The following LRP3 variants were observed in gnomAD, a reference collection of about 807,000 sequenced individuals.
LRP3 encodes the protein low-density lipoprotein receptor-related protein 3.
In LRP3, 49 loss-of-function variants were observed where a neutral mutation model predicts 58.5. That is an observed-to-expected ratio of 0.84 (90% CI 0.67 to 1.06). LRP3 has a LOEUF of 1.06. LRP3 is among the 50% of genes least tolerant of loss of function. The probability of loss-of-function intolerance (pLI) is 0.00; values close to 1 mark genes in which losing one functional copy is unlikely to be tolerated. For synonymous variants in LRP3, 485 were observed against 492.2 expected, an observed-to-expected ratio of 0.99 and a Z score of 0.20; for missense variants, 1,019 against 1,134.2, an observed-to-expected ratio of 0.90 and a Z score of 1.46.
chr19:33,204,258 T>C, intron 3 of LRP3: 1 of 258,588 alleles, frequency 3.9e-6, no homozygotes, highest in Non-Finnish European at 7.5e-6. Flanking sequence ...TGGAGGGTTC[T>C]GGGCCCTTGG....
intron 2 of LRP3, among the ~76,000 whole-genome samples, chr19:33,201,368 C>G (rs1239586248): frequency 6.6e-6 from 1 of 151,954 alleles, no homozygotes; most frequent in Admixed American, 6.5e-5. Flanking sequence ...CCAGGGCCTC[C>G]AGGGCAAAGT....
Position 33,207,440 on chromosome 19 carries a change from G to T in LRP3, c.2178G>T (p.Pro726=). 2 of 1,595,920 alleles carry T rather than the reference G, an allele frequency of 1.3e-6. No homozygotes were observed. ...GGGAGCCCTGCTCAGCCCAGGACCCGCACCCCCAGGTCTCCACTGCCAGCA... is the reference window on the plus strand; with the variant it reads ...GGGAGCCCTGCTCAGCCCAGGACCCTCACCCCCAGGTCTCCACTGCCAGCA... ...APREPCSAQD[P]HPQVSTASST... is the part of the protein sequence containing the mutation. Residue 726 remains proline (P), a synonymous_variant, in exon 7 of 7, where the codon CCG becomes CCT. Transcript: ENST00000253193.
Position 33,194,831 on chromosome 19 carries a change from C to A in LRP3, c.46C>A (p.Arg16=). 9.0e-7 allele frequency: 1 copy of A among 1,108,256 alleles called. No homozygotes were observed. 68.7% of individuals were successfully genotyped at this position (1,108,256 alleles called of 1,614,324 possible). ...AAGLEGAPGA[R]AQLAVVCLVN... Reference sequence around the variant, plus strand: ...GGGGCTGGAGGGCGCGCCGGGCGCCCGGGCGCAGCTGGCCGTCGTCTGTCT... The same window carrying A: ...GGGGCTGGAGGGCGCGCCGGGCGCCAGGGCGCAGCTGGCCGTCGTCTGTCT... The change falls in exon 1 of 7, where the codon CGG becomes AGG. Residue 16 remains arginine, a synonymous_variant. Coordinates refer to ENST00000253193, the MANE Select transcript of LRP3 (RefSeq NM_002333.4).
chr19:33,205,268 C>G lies in LRP3; in HGVS notation c.498C>G (p.Cys166Trp). The change falls in exon 5 of 7, where the codon TGC (cysteine) becomes TGG (tryptophan). Residue 166 changes from cysteine to tryptophan, a missense_variant. Coordinates refer to ENST00000253193, the MANE Select transcript of LRP3 (RefSeq NM_002333.4). ...CAGGGAAGCTGGGCCAGGCATCCTG[C>G]CAGGCAGATGAGTTCCGCTGTGACA... ...YIRGKLGQAS[C>W]QADEFRCDNG... is the part of the protein sequence containing the mutation. The G allele has an allele frequency of 3.1e-6, 5 of 1,609,594 alleles. No individual in the cohort carries two copies. The highest frequency in any genetic ancestry group is 4.2e-6 in the Non-Finnish European group (5 of 1,178,490).
chr19:33,208,737 GT>G lies in LRP3; in HGVS notation c.*1163del. On this transcript the variant is annotated 3_prime_UTR_variant, in exon 7 of 7. Transcript: ENST00000253193. The surrounding 1 kb of genome is among the most constrained non-coding windows in gnomAD (Gnocchi z 4.7). Reference sequence around the variant, plus strand: ...GGGCAGTGCTAAGACAGGAAACCCAGTCCACATTTTAGGGCTTCCTTAAACA... The same window carrying G: ...GGGCAGTGCTAAGACAGGAAACCCAGCCACATTTTAGGGCTTCCTTAAACA... The G allele has an allele frequency of 1.1e-6, 1 of 930,776 alleles. No homozygotes were observed. The highest frequency in any genetic ancestry group is 1.6e-6 in the Non-Finnish European group (1 of 624,666). 57.7% of individuals were successfully genotyped at this position (930,776 alleles called of 1,614,324 possible).
chr19:33,201,374 A>C (rs1974339385), intron 2 of LRP3, among the ~76,000 whole-genome samples: 1 of 152,070 alleles, frequency 6.6e-6, no homozygotes. Flanking sequence ...CCTCCAGGGC[A>C]AAGTCCCCTC....
In LRP3 at chr19:33,202,304, C is replaced by G. The variant is rs191866371; in HGVS notation, c.122-544C>G. 1.8e-4 allele frequency among the ~76,000 whole-genome samples: 28 copies of G among 152,356 alleles called. No individual in the cohort carries two copies. In the East Asian group the frequency reaches 4.6e-3, roughly 25 times the overall value. On this transcript the variant is annotated intron_variant, in intron 2 of 6. Transcript: ENST00000253193. Reference sequence around the variant, plus strand: ...GGGTTCTGCGTAAAGTTCGTCTGCTCCCACCCCCAGCCTATGAGTTCCATA... The same window carrying G: ...GGGTTCTGCGTAAAGTTCGTCTGCTGCCACCCCCAGCCTATGAGTTCCATA...
rs144236483 is a variant in LRP3 at position 33,206,391 on chromosome 19, C to T, written c.1592+29C>T. On this transcript the variant is annotated intron_variant, in intron 5 of 6. Coordinates refer to ENST00000253193, the MANE Select transcript of LRP3 (RefSeq NM_002333.4). ...GGCGCTGTGCCCGCAGCCAGGGGAC[C>T]GGGCTTCTTCATCACCCAGGCTTGC... The T allele has an allele frequency of 4.0e-4, 633 of 1,601,624 alleles. 2 individuals are homozygous for T. In the African/African-American group the frequency reaches 5.0e-3, roughly 13 times the overall value.
rs747307370 is a variant in LRP3, at chr19:33,207,018, A to G, written c.1756A>G (p.Met586Val). 1 of 1,490,366 alleles carries G rather than the reference A, an allele frequency of 6.7e-7. No homozygotes were observed. Among genetic ancestry groups the G allele is most frequent in the Non-Finnish European group, 8.9e-7 (1 of 1,125,916 alleles). 92.3% of individuals were successfully genotyped at this position (1,490,366 alleles called of 1,614,324 possible). The part of the protein sequence containing the change: ...ASVLQNLRTA[M>V]RRQMRRHASR... ...TGTGCTGCAGAATCTTCGCACAGCC[A>G]TGCGGAGACAGATGCGTCGGCACGC... Residue 586 changes from methionine to valine, a missense_variant, in exon 7 of 7, where the codon ATG (methionine) becomes GTG (valine). This residue lies in a region of LRP3 where 427 missense variants were observed against 408.6 expected (regional missense o/e 1.04). Transcript: ENST00000253193.
chr19:33,204,464 G>T (rs1974377086), intron 3 of LRP3, 174 bp from the exon 4 acceptor site: 1 of 635,282 alleles, frequency 1.6e-6, no homozygotes, highest in East Asian at 2.7e-5. Flanking sequence ...TGTGGGGACA[G>T]AGTGGCTGGG....
In LRP3 at chr19:33,205,837, A is replaced by G. The variant is rs754496741; in HGVS notation, c.1067A>G (p.His356Arg). 1.4e-5 allele frequency: 22 copies of G among 1,591,244 alleles called. No homozygotes were observed. The highest frequency in any genetic ancestry group is 2.6e-6 in the Non-Finnish European group (3 of 1,169,386). ...AYHARARSAG[H>R]GFNATYQVKG... is the part of the protein sequence containing the mutation. ...CACGCGCGCGCCCGCAGCGCCGGCC[A>G]CGGCTTCAATGCCACCTACCAGGTG... Residue 356 changes from histidine (H) to arginine (R), a missense_variant, in exon 5 of 7, where the codon CAC becomes CGC. Physicochemically the swap from His to Arg is conservative, Grantham distance 29 (BLOSUM62 0). Transcript: ENST00000253193.
chr19:33,198,819 G>A (rs548916380), intron 2 of LRP3, among the ~76,000 whole-genome samples: 87 of 152,320 alleles, frequency 5.7e-4, no homozygotes, highest in Admixed American at 2.5e-3. Context: ...CAGCTTCCCC[G>A]GCACGTCTGG....
chr19:33,199,409 G>T (rs1029746868), intron 2 of LRP3, among the ~76,000 whole-genome samples: 2 of 151,674 alleles, frequency 1.3e-5, no homozygotes, highest in African/African-American at 4.9e-5. Flanking sequence ...GGAAGTTAAG[G>T]CTGCAGTGAG....
Position 33,207,019 on chromosome 19 carries a change from T to C in LRP3, c.1757T>C (p.Met586Thr), listed in dbSNP as rs1974423998. ...ASVLQNLRTA[M>T]RRQMRRHASR... ...GTGCTGCAGAATCTTCGCACAGCCA[T>C]GCGGAGACAGATGCGTCGGCACGCC... The change falls in exon 7 of 7, where the codon ATG becomes ACG. Residue 586 changes from methionine (M) to threonine (T), a missense_variant. Met to Thr is a moderately conservative substitution (Grantham distance 81). Transcript: ENST00000253193. 2 of 1,494,628 alleles carry C rather than the reference T, an allele frequency of 1.3e-6. No homozygotes were observed. Among genetic ancestry groups the C allele is most frequent in the African/African-American group, 1.4e-5 (1 of 70,048 alleles). 92.6% of individuals were successfully genotyped at this position (1,494,628 alleles called of 1,614,324 possible).
At chr19:33,206,799 C>T in intron 6 of LRP3, 66 bp downstream of exon 6, 1 of 1,458,922 alleles carries the variant, frequency 6.9e-7, no homozygotes, top group Non-Finnish European at 9.1e-7. Context: ...GGAGGCTGGT[C>T]CAGGGGTCAC....
At chr19:33,206,383 C>T in intron 5 of LRP3, 21 bp downstream of exon 5, 1 of 1,602,954 alleles carries the variant, frequency 6.2e-7, no homozygotes, top group Admixed American at 1.7e-5. Flanking sequence ...TGCCCGCAGC[C>T]AGGGGACCGG....
intron 3 of LRP3, chr19:33,204,089 T>TGGTC: frequency 2.5e-5 from 4 of 159,094 alleles, no homozygotes; most frequent in Admixed American, 6.0e-5. Flanking sequence ...CTAGTCTCTG[T>TGGTC]GCCTCAGTTT....
intron 2 of LRP3, among the ~76,000 whole-genome samples, chr19:33,201,646 G>C (rs972544374): frequency 3.9e-5 from 6 of 152,144 alleles, no homozygotes; most frequent in African/African-American, 1.4e-4. Flanking sequence ...CACTGGGCTC[G>C]GGAAAGGGGT....
intron 1 of LRP3, among the ~76,000 whole-genome samples, chr19:33,196,301 C>G (rs953433594): frequency 1.3e-5 from 2 of 152,018 alleles, no homozygotes; most frequent in African/African-American, 4.8e-5. Flanking sequence ...GCCTGTAATC[C>G]CAGCACTTTG....
Sources: allele counts gnomAD v4.1 joint callset (sites outside exome capture counted in the v4.1 genomes callset), GRCh38; gene constraint gnomAD v4.1.1; regional missense constraint gnomAD v4.1.1; non-coding constraint Gnocchi (gnomAD v3.1); transcripts MANE v1.5; gene names NCBI Gene and HGNC (gene_info 2026-07-23, HGNC 2026-07-21).